NXPH2: variants seen among roughly 807,000 people sequenced by gnomAD.
The protein encoded by NXPH2 is neurexophilin 2, also known as neurexophilin-2.
NXPH2 carries 5 observed loss-of-function variants against 19.8 expected under a neutral mutation model. The observed-to-expected ratio is 0.25, with a 90% CI of 0.13 to 0.53. NXPH2 has a LOEUF of 0.53. Ranked by LOEUF, NXPH2 falls within the 20% of genes least tolerant of loss-of-function variation. The probability of loss-of-function intolerance (pLI) is 0.96; values close to 1 mark genes in which losing one functional copy is unlikely to be tolerated. For missense variants in NXPH2, 289 were observed against 322.8 expected (o/e 0.90, Z 0.80); for synonymous variants, 154 against 127.4 (o/e 1.21, Z -1.41).
At chr2:138,759,800 G>T (rs1028651497) in intron 1 of NXPH2, among the ~76,000 whole-genome samples, 4 of 150,068 alleles carry the variant, frequency 2.7e-5, no homozygotes, top group Middle Eastern at 3.2e-3. Flanking sequence ...CGCAATCTCG[G>T]CTCACTGCAA....
chr2:138,722,504 A>G (rs1297201783), intron 1 of NXPH2, among the ~76,000 whole-genome samples: 1 of 152,214 alleles, frequency 6.6e-6, no homozygotes, highest in Non-Finnish European at 1.5e-5. Context: ...GACCAGAGCA[A>G]CAGGAAGCTG....
intron 1 of NXPH2, among the ~76,000 whole-genome samples, chr2:138,713,518 G>C (rs1232840994): frequency 6.6e-6 from 1 of 152,120 alleles, no homozygotes; most frequent in Non-Finnish European, 1.5e-5. Context: ...AATGAATATA[G>C]GAAAGGAAAA....
chr2:138,716,573 C>T (rs527586317), intron 1 of NXPH2, among the ~76,000 whole-genome samples: 46 of 152,084 alleles, frequency 3.0e-4, no homozygotes, highest in African/African-American at 9.2e-4. Flanking sequence ...TGTTTAAGCC[C>T]GTCAGTTTGT....
intron 1 of NXPH2, among the ~76,000 whole-genome samples, chr2:138,758,035 A>T (rs1054382048): frequency 6.6e-6 from 1 of 152,178 alleles, no homozygotes; most frequent in Admixed American, 6.5e-5. Flanking sequence ...AGGATGAATG[A>T]ACCAAAGACG....
intron 1 of NXPH2, among the ~76,000 whole-genome samples, chr2:138,773,683 A>C (rs748559778): frequency 1.3e-5 from 2 of 152,214 alleles, no homozygotes; most frequent in East Asian, 3.8e-4. Context: ...AAAAATTATC[A>C]TTATATATGA....
chr2:138,764,004 G>A (rs1033774533), intron 1 of NXPH2, among the ~76,000 whole-genome samples: 9 of 152,058 alleles, frequency 5.9e-5, no homozygotes, highest in Middle Eastern at 6.3e-3. Flanking sequence ...CACATTCTTT[G>A]TGTTCATAGA....
At chr2:138,721,130 AG>A in intron 1 of NXPH2, among the ~76,000 whole-genome samples, 1 of 152,282 alleles carries the variant, frequency 6.6e-6, no homozygotes, top group Non-Finnish European at 1.5e-5. Context: ...TCACAAGGTC[AG>A]GAGTTCGAGA....
chr2:138,778,947 C>G (rs1479990761), intron 1 of NXPH2, among the ~76,000 whole-genome samples: 1 of 152,188 alleles, frequency 6.6e-6, no homozygotes, highest in East Asian at 1.9e-4. Context: ...TCCACCGTAA[C>G]AAGCATGGAC....
At position 138,746,118 on chromosome 2, in the gene NXPH2, C is replaced by CA. The variant is rs140273727; in HGVS notation, c.51+34072dup. On this transcript the variant is annotated intron_variant, in intron 1 of 1. Transcript: ENST00000272641. ...ATGGACTAGGTTGGCACCTTGAGCCCATTCTAAGAAGGTGTTAGAGGATGC... is the reference window on the plus strand; with the variant it reads ...ATGGACTAGGTTGGCACCTTGAGCCCAATTCTAAGAAGGTGTTAGAGGATGC... 2.4e-3 allele frequency among the ~76,000 whole-genome samples: 362 copies of CA among 152,306 alleles called. 2 individuals carry two copies. The highest frequency in any genetic ancestry group is 0.014 in the Middle Eastern group (4 of 294).
At chr2:138,678,725 A>T (rs1257175590) in intron 1 of NXPH2, among the ~76,000 whole-genome samples, 1 of 152,178 alleles carries the variant, frequency 6.6e-6, no homozygotes. Context: ...ATAGCTCTAT[A>T]AAAAAGAGCT....
intron 1 of NXPH2, among the ~76,000 whole-genome samples, chr2:138,751,445 T>G (rs933325924): frequency 6.6e-6 from 1 of 152,202 alleles, no homozygotes; most frequent in Admixed American, 6.5e-5. Context: ...TTGCCTTTTA[T>G]TATTATGGCT....
At chr2:138,673,087 C>T (rs1185225978) in intron 1 of NXPH2, among the ~76,000 whole-genome samples, 1 of 152,216 alleles carries the variant, frequency 6.6e-6, no homozygotes, top group Non-Finnish European at 1.5e-5. Flanking sequence ...GGTGCTACAA[C>T]ATATACTTCT....
intron 1 of NXPH2, among the ~76,000 whole-genome samples, chr2:138,747,193 G>A (rs935667365): frequency 1.3e-5 from 2 of 152,168 alleles, no homozygotes; most frequent in Non-Finnish European, 2.9e-5. Flanking sequence ...CATCCTGAGG[G>A]TGGACAAAGT....
At chr2:138,767,098 A>G (rs1432730359) in intron 1 of NXPH2, among the ~76,000 whole-genome samples, 1 of 152,222 alleles carries the variant, frequency 6.6e-6, no homozygotes, top group African/African-American at 2.4e-5. Context: ...TTAGTTCATC[A>G]ATATTTATTA....
At position 138,732,200 on chromosome 2, in the gene NXPH2, T is replaced by C. The variant is rs143063874; in HGVS notation, c.51+47991A>G. Among the ~76,000 whole-genome samples the C allele has an allele frequency of 8.5e-5, 13 of 152,234 alleles. No individual in the cohort carries two copies. In the East Asian group the frequency reaches 2.3e-3, roughly 27 times the overall value. ...GTTTGGTGATCTCATACACAATGTG[T>C]CAAAAGGAGGGCTCTGTGATTAAGG... On this transcript the variant is annotated intron_variant, in intron 1 of 1. Coordinates refer to ENST00000272641, the MANE Select transcript of NXPH2 (RefSeq NM_007226.3).
chr2:138,724,549 C>T (rs757937551), intron 1 of NXPH2, among the ~76,000 whole-genome samples: 1 of 152,200 alleles, frequency 6.6e-6, no homozygotes, highest in Non-Finnish European at 1.5e-5. Context: ...CTGCTGGATG[C>T]CTGTTCTTTT....
intron 1 of NXPH2, among the ~76,000 whole-genome samples, chr2:138,695,244 A>G (rs1680812797): frequency 6.6e-6 from 1 of 152,222 alleles, no homozygotes; most frequent in African/African-American, 2.4e-5. Context: ...TGAAAGACTG[A>G]TAAACAAAAA....
chr2:138,706,759 C>G (rs1681021470), intron 1 of NXPH2, among the ~76,000 whole-genome samples: 1 of 151,472 alleles, frequency 6.6e-6, no homozygotes, highest in Non-Finnish European at 1.5e-5. Flanking sequence ...TTTAAGTAGG[C>G]AGGTGTGGTA....
chr2:138,702,600 A>G (rs1680945793), intron 1 of NXPH2, among the ~76,000 whole-genome samples: 1 of 150,540 alleles, frequency 6.6e-6, no homozygotes, highest in Admixed American at 6.6e-5. Context: ...CCCCCACACA[A>G]TAAGCTGCAT....
Sources: gnomAD v4.1 joint callset for allele counts (sites outside exome capture counted in the v4.1 genomes callset) on GRCh38, gnomAD v4.1.1 for gene constraint, MANE v1.5 for transcripts, NCBI Gene and HGNC (gene_info 2026-07-23, HGNC 2026-07-21) for gene names.